SORBS2: variants seen among roughly 807,000 people sequenced by gnomAD.
The protein encoded by SORBS2 is sorbin and SH3 domain-containing protein 2.
A neutral mutation model predicts 97.7 loss-of-function variants in SORBS2; 46 were observed. That is an observed-to-expected ratio of 0.47 (90% CI 0.37 to 0.60). The LOEUF is 0.60. SORBS2 is among the 20% of genes least tolerant of loss of function. The pLI is 0.00. For missense variants in SORBS2, 1,316 were observed against 1,282.3 expected, an observed-to-expected ratio of 1.03 and a Z score of -0.40; for synonymous variants, 476 against 473.4, an observed-to-expected ratio of 1.01 and a Z score of -0.07.
At position 185,606,498 on chromosome 4, in the gene SORBS2, A is replaced by G. The variant is rs2096422641; in HGVS notation, c.2796+5282T>C. 1.0e-6 allele frequency: 1 copy of G among 983,530 alleles called. No homozygotes were observed. Among genetic ancestry groups the G allele is most frequent in the South Asian group, 4.7e-5 (1 of 21,242 alleles). 60.9% of individuals were successfully genotyped at this position (983,530 alleles called of 1,614,324 possible). ...TTGTTTAAAAAAATCTGTTAGTCAA[A>G]ATAGGTATTTATTAATATGATTAAC... On this transcript the variant is annotated intron_variant, in intron 12 of 14. Transcript: ENST00000418609. The surrounding 1 kb of genome is among the most constrained non-coding windows in gnomAD (Gnocchi z 4.3).
intron 1 of SORBS2, among the ~76,000 whole-genome samples, chr4:185,925,488 C>A (rs1227885600): frequency 2.0e-5 from 3 of 152,056 alleles, no homozygotes; most frequent in Non-Finnish European, 4.4e-5. Context: ...AACGCATCTC[C>A]CCCCAGAGAG....
chr4:185,927,355 G>A (rs1183580437), intron 1 of SORBS2, among the ~76,000 whole-genome samples: 1 of 151,704 alleles, frequency 6.6e-6, no homozygotes, highest in Non-Finnish European at 1.5e-5. Context: ...ATGCCATGGC[G>A]GTTTGCTGCA....
At chr4:185,922,633 C>T (rs561707923) in intron 1 of SORBS2, among the ~76,000 whole-genome samples, 1 of 152,254 alleles carries the variant, frequency 6.6e-6, no homozygotes, top group East Asian at 1.9e-4. Context: ...CAGCTATTGG[C>T]CCAATTTCTC....
chr4:185,699,263 T>C (rs1170374924), intron 2 of SORBS2, among the ~76,000 whole-genome samples: 1 of 151,452 alleles, frequency 6.6e-6, no homozygotes, highest in Non-Finnish European at 1.5e-5. Context: ...ACTTACAAAG[T>C]TTATCCAGAA....
rs572418249 is a variant in SORBS2 at position 185,878,431 on chromosome 4, C to T, written c.-338+77765G>A. Among the ~76,000 whole-genome samples the T allele has an allele frequency of 4.6e-5, 7 of 152,274 alleles. No homozygotes were observed. In the East Asian group the frequency reaches 9.7e-4, roughly 21 times the overall value. ...TTCACCTCGTCCCTCCGCCTTATTTCCCCATCTTGGTAAATGACACCTCCA... is the reference window on the plus strand; with the variant it reads ...TTCACCTCGTCCCTCCGCCTTATTTTCCCATCTTGGTAAATGACACCTCCA... On this transcript the variant is annotated intron_variant, in intron 1 of 20. Coordinates refer to the SORBS2 transcript ENST00000284776.
At chr4:185,890,133 C>T (rs548255644) in intron 1 of SORBS2, among the ~76,000 whole-genome samples, 1 of 152,278 alleles carries the variant, frequency 6.6e-6, no homozygotes, top group South Asian at 2.1e-4. Flanking sequence ...GTGATCCACC[C>T]ACCTCAGCCT....
At chr4:185,776,240 G>A (rs2098999091) in intron 1 of SORBS2, among the ~76,000 whole-genome samples, 1 of 152,236 alleles carries the variant, frequency 6.6e-6, no homozygotes, top group Non-Finnish European at 1.5e-5. Context: ...CACAGATGCA[G>A]TGAGAATAAA....
chr4:185,937,301 G>A (rs182953240), intron 1 of SORBS2, among the ~76,000 whole-genome samples: 87 of 152,300 alleles, frequency 5.7e-4, no homozygotes, highest in Non-Finnish European at 8.7e-4. Flanking sequence ...CAGTCTCACC[G>A]TGGGTGAGGC....
chr4:185,726,143 T>A (rs572192407), intron 2 of SORBS2, among the ~76,000 whole-genome samples: 1 of 152,320 alleles, frequency 6.6e-6, no homozygotes. Context: ...GTGATTTTGA[T>A]TCATCTTTTG....
At chr4:185,744,233 A>G (rs2098746530) in intron 2 of SORBS2, among the ~76,000 whole-genome samples, 1 of 152,110 alleles carries the variant, frequency 6.6e-6, no homozygotes, top group African/African-American at 2.4e-5. Context: ...CAATTACACA[A>G]TGATTACATG....
At chr4:185,586,561 A>ACT (rs2095803007) in exon 15 of SORBS2, 1 of 152,586 alleles carries the variant, frequency 6.6e-6, no homozygotes, top group Admixed American at 6.6e-5. Context: ...ATGCTTCTGT[A>ACT]CTCTATTTCT....
intron 1 of SORBS2, among the ~76,000 whole-genome samples, chr4:185,781,503 C>G (rs1283947297): frequency 2.0e-5 from 3 of 151,914 alleles, no homozygotes; most frequent in African/African-American, 7.2e-5. Context: ...GCCTCTCTAG[C>G]CTCCCTTCCA....
intron 2 of SORBS2, chr4:185,773,575 G>C (rs34069712): frequency 0.11 from 5,781 of 51,160 alleles, 147 homozygotes; most frequent in Non-Finnish European, 0.14. Flanking sequence ...AGGTGCAGAG[G>C]ACGGGGCAGA....
chr4:185,855,953 T>C (rs898215514), intron 1 of SORBS2, among the ~76,000 whole-genome samples: 2 of 152,206 alleles, frequency 1.3e-5, no homozygotes, highest in Non-Finnish European at 2.9e-5. Context: ...TAAAATTAAA[T>C]GTGCCTTTGG....
At chr4:185,908,096 T>C (rs1004477404) in intron 1 of SORBS2, among the ~76,000 whole-genome samples, 1 of 151,916 alleles carries the variant, frequency 6.6e-6, no homozygotes. Flanking sequence ...AAGCGCATTC[T>C]CAGGATATTG....
chr4:185,675,797 G>T (rs2153495169), intron 4 of SORBS2, among the ~76,000 whole-genome samples: 1 of 152,274 alleles, frequency 6.6e-6, no homozygotes, highest in Non-Finnish European at 1.5e-5. Flanking sequence ...AGAAGAAATT[G>T]CTCTACTGAA....
chr4:185,794,042 G>GCATTTGTTTTACTT (rs1349016368), intron 1 of SORBS2, among the ~76,000 whole-genome samples: 1 of 152,126 alleles, frequency 6.6e-6, no homozygotes, highest in Non-Finnish European at 1.5e-5. Context: ...CAAAGGGAAA[G>GCATTTGTTTTACTT]TCTGTCAAAA....
chr4:185,754,975 G>T (rs1469527815), intron 2 of SORBS2, among the ~76,000 whole-genome samples: 1 of 152,208 alleles, frequency 6.6e-6, no homozygotes, highest in Non-Finnish European at 1.5e-5. Context: ...AAGGGAAATG[G>T]GCTTTGTGAA....
intron 1 of SORBS2, among the ~76,000 whole-genome samples, chr4:185,801,192 T>G (rs2099128731): frequency 6.6e-6 from 1 of 152,242 alleles, no homozygotes; most frequent in Admixed American, 6.5e-5. Context: ...TGTATGCTGT[T>G]GCAAATGGCA....
Sources: gnomAD v4.1 joint callset for allele counts (sites outside exome capture counted in the v4.1 genomes callset) on GRCh38, gnomAD v4.1.1 for gene constraint, Gnocchi (gnomAD v3.1) non-coding constraint, MANE v1.5 for transcripts, NCBI Gene and HGNC (gene_info 2026-07-23, HGNC 2026-07-21) for gene names.